Variants in SLC24A4 observed in about 807,000 individuals in gnomAD.
SLC24A4 encodes the protein sodium/potassium/calcium exchanger 4.
In SLC24A4, 53 loss-of-function variants were observed where a neutral mutation model predicts 79.0. The observed-to-expected ratio is 0.67, with a 90% CI of 0.54 to 0.84. The LOEUF is 0.84. SLC24A4 is among the 40% of genes least tolerant of loss of function. The pLI is 0.00. For synonymous variants in SLC24A4, 323 were observed against 323.8 expected, an observed-to-expected ratio of 1.00 and a Z score of 0.03; for missense variants, 731 against 822.0, an observed-to-expected ratio of 0.89 and a Z score of 1.35.
intron 2 of SLC24A4, among the ~76,000 whole-genome samples, chr14:92,405,368 T>C (rs2141773602): frequency 6.6e-6 from 1 of 152,350 alleles, no homozygotes; most frequent in South Asian, 2.1e-4. Context: ...CATTAGCTCC[T>C]GACTCTGGGT....
chr14:92,470,613 C>G (rs529115055), intron 12 of SLC24A4, among the ~76,000 whole-genome samples: 1 of 152,042 alleles, frequency 6.6e-6, no homozygotes. Context: ...GGCAGCCCTC[C>G]GTTCTCTTGT....
chr14:92,491,656 C>G lies in SLC24A4; in HGVS notation c.1538-9C>G, dbSNP rs376859420. On this transcript the variant is annotated splice_polypyrimidine_tract_variant and intron_variant, in intron 14 of 16. Transcript: ENST00000532405. The stretch of plus-strand genomic sequence containing the variant: ...TCTTATAAAATAAATGTGTTGTTGT[C>G]CCCTGCAGGCCTTGGGGACATGGCA... 2.1e-5 allele frequency: 34 copies of G among 1,590,042 alleles called. No homozygotes were observed. The highest frequency in any genetic ancestry group is 4.0e-5 in the African/African-American group (3 of 74,412).
At chr14:92,390,987 C>G (rs1889427877) in intron 2 of SLC24A4, among the ~76,000 whole-genome samples, 1 of 152,162 alleles carries the variant, frequency 6.6e-6, no homozygotes, top group Non-Finnish European at 1.5e-5. Flanking sequence ...CCTCTCAGGC[C>G]CAGGGTCTTG....
At chr14:92,381,131 CAT>C (rs1888822338) in intron 2 of SLC24A4, among the ~76,000 whole-genome samples, 1 of 152,204 alleles carries the variant, frequency 6.6e-6, no homozygotes, top group African/African-American at 2.4e-5. Flanking sequence ...CACATGCACA[CAT>C]ATGTTTATTG....
rs543508461 is a variant in SLC24A4 at position 92,487,375 on chromosome 14, C to T, written c.1537+595C>T. On this transcript the variant is annotated intron_variant, in intron 14 of 16. Transcript: ENST00000532405. ...CCCAGCATGGACATCCACAGATCTT[C>T]CTCACAGCACAGAGTTTGAAAGTAT... Among the ~76,000 whole-genome samples the T allele has an allele frequency of 6.6e-5, 10 of 152,298 alleles. 1 individual carries two copies. In the East Asian group the frequency reaches 1.9e-3, roughly 29 times the overall value.
At position 92,496,078 on chromosome 14, in the gene SLC24A4, C is replaced by A. The variant is rs915843462; in HGVS notation, c.*2450C>A. The stretch of plus-strand genomic sequence containing the variant: ...TCCTAATTACCCTCCTCTTCCTCAG[C>A]AGAACCCATTTGAGATTCTAAATGA... On this transcript the variant is annotated 3_prime_UTR_variant, in exon 17 of 17. Coordinates refer to ENST00000532405, the MANE Select transcript of SLC24A4 (RefSeq NM_153646.4). 4 of 152,638 alleles carry A rather than the reference C, an allele frequency of 2.6e-5. No homozygotes were observed. Among genetic ancestry groups the A allele is most frequent in the Admixed American group, 2.6e-4 (4 of 15,290 alleles). 9.5% of individuals were successfully genotyped at this position (152,638 alleles called of 1,614,324 possible). A position where few individuals can be genotyped will look rare whatever the true frequency, so the allele number is the denominator to read the frequency against.
At chr14:92,447,270 G>A (rs1223073697) in intron 8 of SLC24A4, 101 bp from the exon 9 acceptor site, 4 of 1,045,644 alleles carry the variant, frequency 3.8e-6, no homozygotes, top group Non-Finnish European at 4.4e-6. Flanking sequence ...GGCGGGGGAG[G>A]TAAAGACATC....
Position 92,335,334 on chromosome 14 carries a change from G to GT in SLC24A4, c.241+9363dup, listed in dbSNP as rs869086977. On this transcript the variant is annotated intron_variant, in intron 2 of 16. Transcript: ENST00000532405. ...TTCCTCTTTGTGTGACACATGCCAT[G>GT]TTTTTTTGTTTTTGTTTTTGTTTTT... Among the ~76,000 whole-genome samples, 13 of 145,542 alleles carry GT rather than the reference G, an allele frequency of 8.9e-5. 1 individual carries two copies. In the East Asian group the frequency reaches 2.3e-3, roughly 26 times the overall value.
chr14:92,468,933 T>A (rs1398555727), intron 12 of SLC24A4, among the ~76,000 whole-genome samples: 2 of 22,196 alleles, frequency 9.0e-5, no homozygotes, highest in East Asian at 1.2e-3. Context: ...TGTGTGTGTG[T>A]GTCACTTAAA....
intron 2 of SLC24A4, among the ~76,000 whole-genome samples, chr14:92,356,145 A>G (rs1051113618): frequency 3.2e-4 from 48 of 152,326 alleles, no homozygotes; most frequent in Non-Finnish European, 4.0e-4. Flanking sequence ...ATTTTGTCCA[A>G]TCATAGGGTA....
At chr14:92,361,014 A>G (rs1017353839) in intron 2 of SLC24A4, among the ~76,000 whole-genome samples, 1 of 152,206 alleles carries the variant, frequency 6.6e-6, no homozygotes, top group African/African-American at 2.4e-5. Context: ...GAACAGTTTA[A>G]TCTTTAAAAA....
chr14:92,407,318 A>C (rs1354279162), intron 2 of SLC24A4, among the ~76,000 whole-genome samples: 1 of 152,192 alleles, frequency 6.6e-6, no homozygotes, highest in Non-Finnish European at 1.5e-5. Context: ...GAAGTTCCAA[A>C]CTTTTCCACA....
At chr14:92,393,259 C>T (rs977952605) in intron 2 of SLC24A4, among the ~76,000 whole-genome samples, 1 of 152,250 alleles carries the variant, frequency 6.6e-6, no homozygotes, top group African/African-American at 2.4e-5. Flanking sequence ...ACCAGACATA[C>T]CTCAGTGATG....
chr14:92,397,598 G>C (rs1008102214), intron 2 of SLC24A4, among the ~76,000 whole-genome samples: 1 of 152,212 alleles, frequency 6.6e-6, no homozygotes, highest in African/African-American at 2.4e-5. Context: ...GGGGCAGTGG[G>C]TGCAACTGTG....
At chr14:92,473,861 G>A (rs755272869) in intron 12 of SLC24A4, among the ~76,000 whole-genome samples, 33 of 152,178 alleles carry the variant, frequency 2.2e-4, no homozygotes, top group Non-Finnish European at 4.1e-4. Flanking sequence ...AACTATCCTT[G>A]GGCTAGTCAC....
intron 2 of SLC24A4, among the ~76,000 whole-genome samples, chr14:92,383,174 C>T (rs1022101729): frequency 3.3e-5 from 5 of 152,150 alleles, no homozygotes; most frequent in African/African-American, 1.2e-4. Flanking sequence ...TCTAAAGACC[C>T]CGGGGTCCTC....
intron 2 of SLC24A4, among the ~76,000 whole-genome samples, chr14:92,358,103 C>T (rs1166417439): frequency 6.6e-6 from 1 of 152,150 alleles, no homozygotes; most frequent in Non-Finnish European, 1.5e-5. Flanking sequence ...AAAGTTGGTT[C>T]TTTTCTACTC....
rs77423673 is a variant in SLC24A4 at position 92,357,392 on chromosome 14, C to G, written c.241+31414C>G. Among the ~76,000 whole-genome samples the G allele has an allele frequency of 8.4e-4, 128 of 152,218 alleles. 2 individuals carry two copies. The East Asian group carries it at 0.024, about 28-fold the overall frequency. On this transcript the variant is annotated intron_variant, in intron 2 of 16. Coordinates refer to ENST00000532405, the MANE Select transcript of SLC24A4 (RefSeq NM_153646.4). ...TTTGGGACTTGAGATATTTGTACAC[C>G]CAGGCACATGGCAGCATTATTCACA...
intron 2 of SLC24A4, among the ~76,000 whole-genome samples, chr14:92,415,047 G>A (rs2141803645): frequency 6.6e-6 from 1 of 151,688 alleles, no homozygotes; most frequent in East Asian, 1.9e-4. Context: ...GATGGTGTTG[G>A]ACTCATGGTT....
Sources: gnomAD v4.1 joint callset for allele counts (sites outside exome capture counted in the v4.1 genomes callset) on GRCh38, gnomAD v4.1.1 for gene constraint, MANE v1.5 for transcripts, NCBI Gene and HGNC (gene_info 2026-07-23, HGNC 2026-07-21) for gene names.